Variants in GALNT7 observed in about 807,000 individuals in gnomAD.
The protein encoded by GALNT7 is polypeptide N-acetylgalactosaminyltransferase 7.
GALNT7 carries 60 observed loss-of-function variants against 82.1 expected under a neutral mutation model. That is an observed-to-expected ratio of 0.73 (90% CI 0.59 to 0.91). The LOEUF is 0.91. Ranked by LOEUF, GALNT7 falls within the 40% of genes least tolerant of loss-of-function variation. The pLI is 0.00. For synonymous variants in GALNT7, 243 were observed against 275.1 expected (o/e 0.88, Z 1.15); for missense variants, 660 against 804.2 (o/e 0.82, Z 2.17).
intron 2 of GALNT7, among the ~76,000 whole-genome samples, chr4:173,252,164 T>C (rs190327810): frequency 1.3e-5 from 2 of 152,252 alleles, no homozygotes; most frequent in Non-Finnish European, 2.9e-5. Flanking sequence ...AGCACTTGTC[T>C]GCTTTTACTA....
intron 2 of GALNT7, among the ~76,000 whole-genome samples, chr4:173,281,673 C>A (rs1002350378): frequency 2.2e-4 from 33 of 152,322 alleles, no homozygotes; most frequent in African/African-American, 7.7e-4. Flanking sequence ...TGGCAACCAC[C>A]TTCTATTGGA....
rs1348731460 is a variant in GALNT7 at position 173,292,798 on chromosome 4, A to T, written c.754+524A>T. Among the ~76,000 whole-genome samples the T allele has an allele frequency of 1.3e-5, 2 of 152,156 alleles. No homozygotes were observed. The highest frequency in any genetic ancestry group is 2.9e-5 in the Non-Finnish European group (2 of 68,014). ...TGTGCAGCTGATCCTTTTATTAACT[A>T]ATCATTTTTAAGTATCCTAGAGAAT... is the stretch of plus-strand genomic sequence containing the variant. On this transcript the variant is annotated intron_variant, in intron 3 of 11. Transcript: ENST00000265000. This position sits in a 1 kb window ranked among gnomAD's most constrained non-coding sequence, Gnocchi z 4.8.
chr4:173,180,537 A>C (rs1732211187), intron 1 of GALNT7, among the ~76,000 whole-genome samples: 1 of 152,162 alleles, frequency 6.6e-6, no homozygotes, highest in Admixed American at 6.5e-5. Flanking sequence ...CATGTTGGCC[A>C]GACTGGTCTC....
chr4:173,264,764 A>T (rs957757784), intron 2 of GALNT7, among the ~76,000 whole-genome samples: 1 of 152,174 alleles, frequency 6.6e-6, no homozygotes, highest in African/African-American at 2.4e-5. Context: ...TTCTCTAGAT[A>T]AAAAAGCTGA....
intron 1 of GALNT7, among the ~76,000 whole-genome samples, chr4:173,210,966 A>C (rs1402743146): frequency 6.6e-6 from 1 of 152,202 alleles, no homozygotes; most frequent in Non-Finnish European, 1.5e-5. Context: ...TTAACATTTA[A>C]GCTAGTGTAT....
intron 2 of GALNT7, among the ~76,000 whole-genome samples, chr4:173,290,516 TCTC>T (rs1736493971): frequency 6.6e-6 from 1 of 152,196 alleles, no homozygotes; most frequent in South Asian, 2.1e-4. Context: ...AGGGGATATC[TCTC>T]CTCCTCAGAA....
chr4:173,296,290 T>G (rs1561194119), intron 5 of GALNT7, among the ~76,000 whole-genome samples: 1 of 152,198 alleles, frequency 6.6e-6, no homozygotes, highest in African/African-American at 2.4e-5. Flanking sequence ...ATAGAAACTT[T>G]AAAGTTTAGA....
chr4:173,225,385 A>G (rs1024269925), intron 1 of GALNT7, among the ~76,000 whole-genome samples: 4 of 152,224 alleles, frequency 2.6e-5, no homozygotes, highest in Admixed American at 2.6e-4. Flanking sequence ...GGAAGATGGT[A>G]TAGGGAGCTT....
intron 1 of GALNT7, among the ~76,000 whole-genome samples, chr4:173,245,793 G>A (rs887045107): frequency 1.3e-5 from 2 of 152,120 alleles, no homozygotes; most frequent in African/African-American, 2.4e-5. Context: ...ACAGTCATGC[G>A]TGCCTTACAC....
At chr4:173,275,032 A>T (rs1735851419) in intron 2 of GALNT7, among the ~76,000 whole-genome samples, 1 of 151,964 alleles carries the variant, frequency 6.6e-6, no homozygotes, top group Non-Finnish European at 1.5e-5. Context: ...CCATGCAGCC[A>T]CTCTTAACAA....
At chr4:173,205,087 G>A (rs1445384469) in intron 1 of GALNT7, among the ~76,000 whole-genome samples, 1 of 152,168 alleles carries the variant, frequency 6.6e-6, no homozygotes, top group African/African-American at 2.4e-5. Context: ...GGTGGGCCTG[G>A]TACCTGGGTC....
At chr4:173,192,277 G>C (rs531232952) in intron 1 of GALNT7, among the ~76,000 whole-genome samples, 1 of 151,984 alleles carries the variant, frequency 6.6e-6, no homozygotes, top group African/African-American at 2.4e-5. Context: ...GGTCCTCCTT[G>C]TTTCAGAATT....
intron 6 of GALNT7, among the ~76,000 whole-genome samples, chr4:173,300,631 G>A (rs1464468232): frequency 5.3e-5 from 8 of 152,096 alleles, no homozygotes; most frequent in Non-Finnish European, 8.8e-5. Flanking sequence ...AACGGGAAGA[G>A]AGTCCATGGT....
At chr4:173,186,383 C>T (rs958646603) in intron 1 of GALNT7, among the ~76,000 whole-genome samples, 1 of 152,148 alleles carries the variant, frequency 6.6e-6, no homozygotes, top group East Asian at 1.9e-4. Context: ...TAGTGAGTTT[C>T]GCTGAGTGAT....
At chr4:173,197,088 G>A (rs1211496175) in intron 1 of GALNT7, among the ~76,000 whole-genome samples, 1 of 99,716 alleles carries the variant, frequency 1.0e-5, no homozygotes, top group Non-Finnish European at 2.0e-5. Flanking sequence ...TTTTTTGACA[G>A]GTAAACAGAA....
chr4:173,191,053 T>C (rs926583727), intron 1 of GALNT7, among the ~76,000 whole-genome samples: 9 of 150,972 alleles, frequency 6.0e-5, no homozygotes, highest in Non-Finnish European at 1.0e-4. Flanking sequence ...GCAGGTTGTA[T>C]TGGAGGACTG....
chr4:173,268,530 G>GTTTTT lies in GALNT7; in HGVS notation c.587+20113_587+20117dup, dbSNP rs60894562. On this transcript the variant is annotated intron_variant, in intron 2 of 11. Coordinates refer to ENST00000265000, the MANE Select transcript of GALNT7 (RefSeq NM_017423.3). Reference sequence around the variant, plus strand: ...AAATAGGACACTTGTTTTCTCTCTCGTTTTTTTTTTTTTTTTTTTTTTTTT... The same window carrying GTTTTT: ...AAATAGGACACTTGTTTTCTCTCTCGTTTTTTTTTTTTTTTTTTTTTTTTTTTTTT... Among the ~76,000 whole-genome samples, 27 of 52,336 alleles carry GTTTTT rather than the reference G, an allele frequency of 5.2e-4. 9 individuals carry two copies. The highest frequency in any genetic ancestry group is 2.1e-3 in the South Asian group (2 of 948). The allele number at this position is 52,336 out of a possible 152,430, so 34.3% of individuals were successfully genotyped here.
At chr4:173,197,742 T>C (rs993580288) in intron 1 of GALNT7, among the ~76,000 whole-genome samples, 1 of 152,036 alleles carries the variant, frequency 6.6e-6, no homozygotes, top group Non-Finnish European at 1.5e-5. Flanking sequence ...CAGGCTGTGG[T>C]TGGAGAGAAG....
Position 173,304,111 on chromosome 4 carries a change from C to T in GALNT7, c.1382C>T (p.Thr461Ile). ...CCCATTTATGTTGGGTCTTCTCCAA[C>T]TCTGAAGGTGAGTTTTTTGGATAAA... The part of the protein sequence containing the change: ...PPPIYVGSSP[T>I]LKNYVRVVEV... The change falls in exon 8 of 12, where the codon ACT (threonine) becomes ATT (isoleucine). Residue 461 changes from threonine to isoleucine, a missense_variant. Physicochemically the swap from Thr to Ile is moderately conservative, Grantham distance 89. Around this residue, in one of 2 missense-constraint regions of GALNT7, gnomAD observed 527 missense variants for 683.5 expected, o/e 0.77. Coordinates refer to ENST00000265000, the MANE Select transcript of GALNT7 (RefSeq NM_017423.3). 6.2e-7 allele frequency: 1 copy of T among 1,612,960 alleles called. No individual in the cohort carries two copies. Among genetic ancestry groups the T allele is most frequent in the South Asian group, 1.1e-5 (1 of 90,820 alleles).
Sources: gnomAD v4.1 joint callset for allele counts (sites outside exome capture counted in the v4.1 genomes callset) on GRCh38, gnomAD v4.1.1 for gene constraint, gnomAD v4.1.1 regional missense constraint, Gnocchi (gnomAD v3.1) non-coding constraint, MANE v1.5 for transcripts, NCBI Gene and HGNC (gene_info 2026-07-23, HGNC 2026-07-21) for gene names.